The following SYNPR variants were observed in gnomAD, a reference collection of about 807,000 sequenced individuals.
SYNPR encodes the protein synaptoporin.
In SYNPR, 23 loss-of-function variants were observed where a neutral mutation model predicts 32.9. That is an observed-to-expected ratio of 0.70 (90% CI 0.50 to 0.99). The LOEUF is 0.99. Ranked by LOEUF, SYNPR falls within the 50% of genes least tolerant of loss-of-function variation. SYNPR has a pLI of 0.00. For missense variants in SYNPR, 318 were observed against 349.3 expected (o/e 0.91, Z 0.71); for synonymous variants, 146 against 135.9 (o/e 1.07, Z -0.52).
intron 2 of SYNPR, among the ~76,000 whole-genome samples, chr3:63,295,928 G>A (rs531084374): frequency 5.3e-5 from 8 of 152,216 alleles, no homozygotes; most frequent in African/African-American, 1.9e-4. Context: ...ATTTGTTTTG[G>A]GAGAGATTCA....
At chr3:63,456,699 T>C (rs983149343) in intron 2 of SYNPR, among the ~76,000 whole-genome samples, 2 of 152,130 alleles carry the variant, frequency 1.3e-5, no homozygotes, top group African/African-American at 2.4e-5. Context: ...TCTTAACCAC[T>C]GCACAAACTC....
At chr3:63,410,704 T>C (rs1235575740) in intron 2 of SYNPR, among the ~76,000 whole-genome samples, 2 of 152,148 alleles carry the variant, frequency 1.3e-5, no homozygotes, top group East Asian at 3.9e-4. Flanking sequence ...CTAGAACATA[T>C]GCATGTGACC....
chr3:63,565,118 T>C (rs1450890546), intron 4 of SYNPR, among the ~76,000 whole-genome samples: 1 of 152,150 alleles, frequency 6.6e-6, no homozygotes, highest in Non-Finnish European at 1.5e-5. Context: ...AAATGAAATG[T>C]GAAATGTTTC....
chr3:63,211,268 T>C, the SYNPR span, among the ~76,000 whole-genome samples: 1 of 152,190 alleles, frequency 6.6e-6, no homozygotes, highest in Non-Finnish European at 1.5e-5. Flanking sequence ...GGTTTCACCA[T>C]GTTGGCCAGG....
intron 2 of SYNPR, among the ~76,000 whole-genome samples, chr3:63,424,141 G>T (rs150812525): frequency 3.1e-4 from 47 of 152,278 alleles, no homozygotes; most frequent in Admixed American, 3.3e-4. Flanking sequence ...ATCAATGTTA[G>T]TTCATTAATT....
chr3:63,311,036 A>G (rs897644423), intron 2 of SYNPR, among the ~76,000 whole-genome samples: 1 of 152,028 alleles, frequency 6.6e-6, no homozygotes, highest in Non-Finnish European at 1.5e-5. Flanking sequence ...TTTTCAAAAA[A>G]TCAGATATGT....
chr3:63,336,944 A>G (rs1207362937), intron 2 of SYNPR, among the ~76,000 whole-genome samples: 1 of 152,112 alleles, frequency 6.6e-6, no homozygotes, highest in African/African-American at 2.4e-5. Context: ...AGATATGTCC[A>G]TGAAAGGTCA....
chr3:63,398,970 C>G (rs2088254210), intron 2 of SYNPR, among the ~76,000 whole-genome samples: 1 of 152,080 alleles, frequency 6.6e-6, no homozygotes, highest in African/African-American at 2.4e-5. Flanking sequence ...AGCAGAAGGA[C>G]AGTTACTGAA....
intron 2 of SYNPR, among the ~76,000 whole-genome samples, chr3:63,469,517 A>G (rs1016597367): frequency 6.6e-6 from 1 of 152,216 alleles, no homozygotes; most frequent in Non-Finnish European, 1.5e-5. Flanking sequence ...CAAAAACACT[A>G]CCATAGGCAA....
chr3:63,248,723 T>C (rs566503983), intron 1 of SYNPR, among the ~76,000 whole-genome samples: 1 of 152,254 alleles, frequency 6.6e-6, no homozygotes, highest in East Asian at 1.9e-4. Flanking sequence ...ACATTTGAAT[T>C]GAAACCAAAA....
intron 2 of SYNPR, among the ~76,000 whole-genome samples, chr3:63,451,412 T>C (rs894866183): frequency 1.3e-5 from 2 of 152,162 alleles, no homozygotes; most frequent in Non-Finnish European, 2.9e-5. Flanking sequence ...TGCCTTATTA[T>C]AAATTGCAGG....
At chr3:63,295,961 G>C (rs2086788787) in intron 2 of SYNPR, among the ~76,000 whole-genome samples, 1 of 152,194 alleles carries the variant, frequency 6.6e-6, no homozygotes. Flanking sequence ...AGGTTGGTTA[G>C]CCTGCCTTTG....
intron 3 of SYNPR, among the ~76,000 whole-genome samples, chr3:63,500,173 C>T (rs754750962): frequency 2.8e-4 from 43 of 152,094 alleles, no homozygotes; most frequent in Non-Finnish European, 4.9e-4. Context: ...TTAATATTTT[C>T]GTTTGAGTAA....
At chr3:63,582,008 A>C (rs1703101823) in intron 4 of SYNPR, among the ~76,000 whole-genome samples, 1 of 152,136 alleles carries the variant, frequency 6.6e-6, no homozygotes, top group Admixed American at 6.6e-5. Flanking sequence ...GGTGTTTTCC[A>C]ATAGATTCAA....
At chr3:63,387,165 A>G (rs529445221) in intron 2 of SYNPR, among the ~76,000 whole-genome samples, 1 of 152,192 alleles carries the variant, frequency 6.6e-6, no homozygotes. Context: ...CAACAACCCC[A>G]TAAGAGTTTT....
At chr3:63,546,712 T>C (rs950033038) in intron 3 of SYNPR, among the ~76,000 whole-genome samples, 4 of 141,434 alleles carry the variant, frequency 2.8e-5, no homozygotes, top group Non-Finnish European at 6.2e-5. Context: ...TTTCCTCTTA[T>C]GAAAAAAAAA....
intron 2 of SYNPR, among the ~76,000 whole-genome samples, chr3:63,345,837 TG>T (rs2087430767): frequency 1.3e-5 from 2 of 152,036 alleles, no homozygotes; most frequent in African/African-American, 4.8e-5. Flanking sequence ...TTTTTTGAGA[TG>T]GACTCTTGTT....
At chr3:63,223,672 G>A (rs950650412), upstream of SYNPR, among the ~76,000 whole-genome samples, 3 of 152,174 alleles carry the variant, frequency 2.0e-5, no homozygotes, top group African/African-American at 4.8e-5. Flanking sequence ...CCAAGAACCT[G>A]ACTAGCATCG....
chr3:63,461,208 G>T (rs1700579231), intron 2 of SYNPR, among the ~76,000 whole-genome samples: 1 of 152,056 alleles, frequency 6.6e-6, no homozygotes, highest in South Asian at 2.1e-4. Flanking sequence ...CATAGTACAT[G>T]ATAAATGGGT....
Sources: allele counts gnomAD v4.1 joint callset (sites outside exome capture counted in the v4.1 genomes callset), GRCh38; gene constraint gnomAD v4.1.1; transcripts MANE v1.5; gene names NCBI Gene and HGNC (gene_info 2026-07-23, HGNC 2026-07-21).